Variants in VSIG10 observed in about 807,000 individuals in gnomAD.
VSIG10 encodes the protein V-set and immunoglobulin domain-containing protein 10.
VSIG10 carries 48 observed loss-of-function variants against 58.7 expected under a neutral mutation model. The observed-to-expected ratio is 0.82, with a 90% CI of 0.65 to 1.04. The LOEUF (loss-of-function observed/expected upper bound fraction) is 1.04, where lower values mean the gene tolerates loss of function less well. Ranked by LOEUF, VSIG10 falls within the 50% of genes least tolerant of loss-of-function variation. The pLI, the probability that VSIG10 is intolerant of heterozygous loss-of-function variation, is 0.00. For synonymous variants in VSIG10, 260 were observed against 267.1 expected, an observed-to-expected ratio of 0.97 and a Z score of 0.26; for missense variants, 628 against 670.0, an observed-to-expected ratio of 0.94 and a Z score of 0.69.
intron 8 of VSIG10, 65 bp from the exon 9 acceptor site, chr12:118,066,759 C>T: frequency 6.7e-7 from 1 of 1,485,448 alleles, no homozygotes; most frequent in Middle Eastern, 1.8e-4. Context: ...CACCGTCAGT[C>T]ATCAATCATC....
At chr12:118,103,236 T>C (rs1181251459) in intron 1 of VSIG10, 1 of 204,528 alleles carries the variant, frequency 4.9e-6, no homozygotes, top group Non-Finnish European at 9.9e-6. Flanking sequence ...TATCAGTTAC[T>C]ACTAAAACCA....
At chr12:118,067,518 C>T (rs1456890675) in intron 8 of VSIG10, among the ~76,000 whole-genome samples, 1 of 146,092 alleles carries the variant, frequency 6.8e-6, no homozygotes, top group Non-Finnish European at 1.5e-5. Flanking sequence ...GGCTGAAGTG[C>T]AGTGGCACGA....
chr12:118,076,146 G>A (rs961734408), intron 4 of VSIG10, among the ~76,000 whole-genome samples: 1 of 152,138 alleles, frequency 6.6e-6, no homozygotes, highest in Admixed American at 6.6e-5. Context: ...AAACTTAGTG[G>A]CTTAAAGCAC....
intron 2 of VSIG10, among the ~76,000 whole-genome samples, chr12:118,090,905 C>T (rs531666353): frequency 1.8e-4 from 27 of 152,048 alleles, no homozygotes; most frequent in Admixed American, 1.4e-3. Context: ...GGGACCAAGG[C>T]GGGTGGATCA....
At position 118,066,438 on chromosome 12, in the gene VSIG10, C is replaced by T; in HGVS notation, c.*201G>A. 1 of 608,766 alleles carries T rather than the reference C, an allele frequency of 1.6e-6. No homozygotes were observed. The highest frequency in any genetic ancestry group is 2.9e-6 in the Non-Finnish European group (1 of 340,632). 37.7% of individuals were successfully genotyped at this position (608,766 alleles called of 1,614,324 possible). On this transcript the variant is annotated 3_prime_UTR_variant, in exon 9 of 9. Coordinates refer to ENST00000359236, the MANE Select transcript of VSIG10 (RefSeq NM_019086.6). ...AAGCTTTTAAACATCATTGGGAAAA[C>T]TTAGAGCAAATCAAACCAATGTTTT... is the stretch of plus-strand genomic sequence containing the variant.
chr12:118,076,950 C>T lies in VSIG10; in HGVS notation c.925+2396G>A, dbSNP rs192016888. The stretch of plus-strand genomic sequence containing the variant: ...CTGGGATTACAGGCGTGAGCCACCA[C>T]GCCCGGCCTTCTCCCTTCTTACAAA... On this transcript the variant is annotated intron_variant, in intron 4 of 8. Transcript: ENST00000359236. 1.1e-3 allele frequency among the ~76,000 whole-genome samples: 174 copies of T among 152,310 alleles called. 1 individual carries two copies. Among genetic ancestry groups the T allele is most frequent in the African/African-American group, 3.4e-4 (14 of 41,564 alleles).
intron 4 of VSIG10, among the ~76,000 whole-genome samples, chr12:118,077,332 G>A (rs1436365752): frequency 1.3e-5 from 2 of 152,026 alleles, no homozygotes. Flanking sequence ...CCATCTCACG[G>A]AGACCTCCCT....
intron 2 of VSIG10, among the ~76,000 whole-genome samples, chr12:118,082,785 T>A (rs895477325): frequency 6.6e-6 from 1 of 150,522 alleles, no homozygotes; most frequent in African/African-American, 2.4e-5. Context: ...CAGACCAACC[T>A]GGGAAACATA....
In VSIG10 at chr12:118,064,779, T is replaced by G. The variant is rs992040829; in HGVS notation, c.*1860A>C. 6.6e-6 allele frequency: 1 copy of G among 152,224 alleles called. No individual in the cohort carries two copies. The highest frequency in any genetic ancestry group is 1.5e-5 in the Non-Finnish European group (1 of 68,064). 9.4% of individuals were successfully genotyped at this position (152,224 alleles called of 1,614,324 possible). A position where few individuals can be genotyped will look rare whatever the true frequency, so the allele number is the denominator to read the frequency against. On this transcript the variant is annotated 3_prime_UTR_variant, in exon 9 of 9. Transcript: ENST00000359236. Reference sequence around the variant, plus strand: ...AGCAGGGGACAGGGCATACTTCTAGTGATTTGCTCAGTTTAATCCCTTCAT... The same window carrying G: ...AGCAGGGGACAGGGCATACTTCTAGGGATTTGCTCAGTTTAATCCCTTCAT...
At chr12:118,099,449 C>T (rs1453442189) in intron 1 of VSIG10, among the ~76,000 whole-genome samples, 2 of 151,898 alleles carry the variant, frequency 1.3e-5, no homozygotes, top group Non-Finnish European at 2.9e-5. Flanking sequence ...CCAGCCAACC[C>T]TGACTCATAA....
intron 1 of VSIG10, among the ~76,000 whole-genome samples, chr12:118,096,273 T>C (rs1287728813): frequency 1.3e-5 from 2 of 151,888 alleles, no homozygotes. Flanking sequence ...ACACCCCGTC[T>C]GTAATAAAAA....
chr12:118,078,937 TAAAAAA>T (rs35469920), intron 4 of VSIG10, among the ~76,000 whole-genome samples: 19 of 39,910 alleles, frequency 4.8e-4, no homozygotes, highest in South Asian at 1.0e-3. Flanking sequence ...AGACTCTGCC[TAAAAAA>T]AAAAAAAAAA....
chr12:118,083,119 A>C (rs1266198266), intron 2 of VSIG10, among the ~76,000 whole-genome samples: 1 of 21,012 alleles, frequency 4.8e-5, no homozygotes, highest in Non-Finnish European at 7.1e-5. Flanking sequence ...TCTCACAAAA[A>C]AAAAAAAAAA....
chr12:118,101,490 T>C (rs1417404335), intron 1 of VSIG10: 1 of 152,236 alleles, frequency 6.6e-6, no homozygotes, highest in East Asian at 1.9e-4. Flanking sequence ...GTCATTCATA[T>C]GGTGTCCAGA....
chr12:118,096,814 A>G (rs1460072370), intron 1 of VSIG10, among the ~76,000 whole-genome samples: 2 of 151,860 alleles, frequency 1.3e-5, no homozygotes, highest in East Asian at 2.0e-4. Context: ...CAAGACAGGC[A>G]GATCTCCTAA....
chr12:118,090,236 C>T (rs935206585), intron 2 of VSIG10, among the ~76,000 whole-genome samples: 5 of 151,976 alleles, frequency 3.3e-5, no homozygotes, highest in African/African-American at 4.8e-5. Context: ...ACACAGGGGG[C>T]GGAGGTGGTT....
chr12:118,073,698 C>G lies in VSIG10; in HGVS notation c.1219+1G>C, dbSNP rs773327282. 28 of 1,605,582 alleles carry G rather than the reference C, an allele frequency of 1.7e-5. No individual in the cohort carries two copies. Among genetic ancestry groups the G allele is most frequent in the Non-Finnish European group, 2.4e-5 (28 of 1,175,226 alleles). ...CCTTCAGGCCCAGTTCCACCACTCA[C>G]CTTTCACACTCAGCCAGATTTCCAT... On this transcript the variant is annotated splice_donor_variant, in intron 5 of 8. Coordinates refer to ENST00000359236, the MANE Select transcript of VSIG10 (RefSeq NM_019086.6). LOFTEE classifies it high-confidence loss of function.
chr12:118,074,069 A>G, intron 4 of VSIG10, 77 bp from the exon 5 acceptor site: 1 of 1,378,870 alleles, frequency 7.3e-7, no homozygotes, highest in Non-Finnish European at 9.7e-7. Flanking sequence ...GGAAAACTGC[A>G]GTAGTTTTTT....
At chr12:118,069,580 T>C (rs377039538) in intron 7 of VSIG10, among the ~76,000 whole-genome samples, 3 of 151,946 alleles carry the variant, frequency 2.0e-5, no homozygotes, top group East Asian at 3.9e-4. Context: ...CATGCGCCAC[T>C]ACATGCGGCT....
Sources: allele counts gnomAD v4.1 joint callset (sites outside exome capture counted in the v4.1 genomes callset), GRCh38; gene constraint gnomAD v4.1.1; transcripts MANE v1.5; gene names NCBI Gene and HGNC (gene_info 2026-07-23, HGNC 2026-07-21).